Variants in DPP4 observed in about 807,000 individuals in gnomAD.
The protein encoded by DPP4 is dipeptidyl peptidase 4.
In DPP4, 93 loss-of-function variants were observed where a neutral mutation model predicts 122.4. That is an observed-to-expected ratio of 0.76 (90% CI 0.64 to 0.90). DPP4 has a LOEUF of 0.90. Among genes scored for constraint, DPP4 ranks in the 40% least tolerant of loss-of-function variants. DPP4 has a pLI of 0.00. For missense variants in DPP4, 914 were observed against 907.3 expected, an observed-to-expected ratio of 1.01 and a Z score of -0.09; for synonymous variants, 321 against 302.9, an observed-to-expected ratio of 1.06 and a Z score of -0.62.
At chr2:162,056,364 A>T (rs1020463056) in intron 2 of DPP4, among the ~76,000 whole-genome samples, 1 of 152,244 alleles carries the variant, frequency 6.6e-6, no homozygotes, top group Non-Finnish European at 1.5e-5. Flanking sequence ...GAATGAAAAC[A>T]TAAAAGTCAG....
chr2:162,063,752 T>C (rs143217298), intron 2 of DPP4, among the ~76,000 whole-genome samples: 412 of 152,078 alleles, frequency 2.7e-3, no homozygotes, highest in Non-Finnish European at 4.9e-3. Flanking sequence ...CAGACAGTGA[T>C]AATAGAAACT....
At chr2:162,071,053 A>G (rs1179316725) in intron 2 of DPP4, among the ~76,000 whole-genome samples, 1 of 151,992 alleles carries the variant, frequency 6.6e-6, no homozygotes, top group African/African-American at 2.4e-5. Flanking sequence ...GTCCTGGGCC[A>G]TTTCCCTCAC....
At chr2:162,005,710 A>G in intron 23 of DPP4, 35 bp downstream of exon 23, 1 of 1,549,814 alleles carries the variant, frequency 6.5e-7, no homozygotes, top group East Asian at 2.2e-5. Context: ...ACTTATAAAT[A>G]GGTTATAAAA....
chr2:162,009,069 A>G (rs1701353190), intron 21 of DPP4, among the ~76,000 whole-genome samples, 172 bp downstream of exon 21: 1 of 152,078 alleles, frequency 6.6e-6, no homozygotes, highest in Non-Finnish European at 1.5e-5. Context: ...CATCATAATA[A>G]ACAAAGGTGT....
chr2:162,011,324 C>T (rs1373704438), intron 20 of DPP4, among the ~76,000 whole-genome samples: 1 of 152,080 alleles, frequency 6.6e-6, no homozygotes, highest in African/African-American at 2.4e-5. Flanking sequence ...AGCAGAGTCA[C>T]CCTCATCCAG....
chr2:162,070,459 C>T (rs896881610), intron 2 of DPP4, among the ~76,000 whole-genome samples: 2 of 152,128 alleles, frequency 1.3e-5, no homozygotes, highest in African/African-American at 4.8e-5. Flanking sequence ...ATGGCTTCCT[C>T]CTTCCTTTTG....
intron 5 of DPP4, among the ~76,000 whole-genome samples, chr2:162,041,731 T>C (rs994982319): frequency 1.3e-5 from 2 of 152,180 alleles, no homozygotes; most frequent in Non-Finnish European, 2.9e-5. Flanking sequence ...CCATGGGTTG[T>C]AAAAGAAAAC....
intron 2 of DPP4, among the ~76,000 whole-genome samples, chr2:162,067,163 A>G (rs1280491885): frequency 1.0e-5 from 1 of 97,898 alleles, no homozygotes; most frequent in African/African-American, 4.1e-5. Flanking sequence ...GCCTGGAATC[A>G]AATAATGGAA....
chr2:162,074,139 C>G lies in DPP4; in HGVS notation c.-158G>C. 1.4e-6 allele frequency: 2 copies of G among 1,392,234 alleles called. No individual in the cohort carries two copies. The highest frequency in any genetic ancestry group is 1.9e-6 in the Non-Finnish European group (2 of 1,073,894). The allele number at this position is 1,392,234 out of a possible 1,614,324, so 86.2% of individuals were successfully genotyped here. ...GAGTTAAACATTAGTGAGCGCCGAG[C>G]CCGCTGGGTATAAAGGCGCCGCGGG... On this transcript the variant is annotated 5_prime_UTR_variant, in exon 1 of 26. Coordinates refer to ENST00000360534, the MANE Select transcript of DPP4 (RefSeq NM_001935.4).
chr2:162,005,921 T>C (rs1701273301), intron 22 of DPP4, 112 bp from the exon 23 acceptor site: 1 of 840,840 alleles, frequency 1.2e-6, no homozygotes. Flanking sequence ...TATAGGAATA[T>C]AGAGTTACTC....
chr2:161,995,656 C>A (rs1356969329), intron 23 of DPP4, among the ~76,000 whole-genome samples: 1 of 152,140 alleles, frequency 6.6e-6, no homozygotes, highest in African/African-American at 2.4e-5. Flanking sequence ...AGTCCCAGAT[C>A]CCAGATTGGC....
In DPP4 at chr2:161,995,343, A is replaced by T. The variant is rs1229260734; in HGVS notation, c.2082T>A (p.Asn694Lys). The T allele has an allele frequency of 1.2e-6, 2 of 1,614,112 alleles. No homozygotes were observed. Among genetic ancestry groups the T allele is most frequent in the Non-Finnish European group, 1.7e-6 (2 of 1,179,968 alleles). The change falls in exon 24 of 26, where the codon AAT (asparagine) becomes AAA (lysine). Residue 694 changes from asparagine (N) to lysine (K), a missense_variant. By Grantham distance (94) the Asn-to-Lys change is moderately conservative (BLOSUM62 0). Transcript: ENST00000360534. ...RNSTVMSRAENFKQVEYLLIH... is the reference protein window; with the variant it reads ...RNSTVMSRAEKFKQVEYLLIH... Reference sequence around the variant, plus strand: ...TAAGGAGGTACTCAACTTGTTTAAAATTTTCAGCTCTGCTCATGACTGTTG... The same window carrying T: ...TAAGGAGGTACTCAACTTGTTTAAATTTTTCAGCTCTGCTCATGACTGTTG...
At chr2:162,004,955 T>A (rs965402450) in intron 23 of DPP4, among the ~76,000 whole-genome samples, 17 of 152,208 alleles carry the variant, frequency 1.1e-4, no homozygotes, top group African/African-American at 3.6e-4. Context: ...TTCAGGGTTT[T>A]AAAAAAATTT....
At position 162,074,056 on chromosome 2, in the gene DPP4, C is replaced by G. The variant is rs200331869; in HGVS notation, c.-75G>C. 6.4e-6 allele frequency: 10 copies of G among 1,568,398 alleles called. No homozygotes were observed. Among genetic ancestry groups the G allele is most frequent in the Non-Finnish European group, 8.6e-6 (10 of 1,158,400 alleles). On this transcript the variant is annotated 5_prime_UTR_variant, in exon 1 of 26. Transcript: ENST00000360534. ...AGTCACCGCGGGCGGCGGAGACGCG[C>G]GTCCTGCACCGCTGCTCCGGGCGGT...
chr2:162,006,539 T>C (rs1174273145), intron 22 of DPP4, among the ~76,000 whole-genome samples: 1 of 152,180 alleles, frequency 6.6e-6, no homozygotes, highest in African/African-American at 2.4e-5. Context: ...GGTATAACAG[T>C]TGAGCACTGT....
At chr2:162,048,654 C>T (rs2106137219) in intron 2 of DPP4, among the ~76,000 whole-genome samples, 1 of 152,280 alleles carries the variant, frequency 6.6e-6, no homozygotes, top group Middle Eastern at 3.4e-3. Context: ...AGTGTCTTCC[C>T]TGCTTTCCTG....
At chr2:162,055,029 C>T (rs1684518615) in intron 2 of DPP4, among the ~76,000 whole-genome samples, 1 of 152,148 alleles carries the variant, frequency 6.6e-6, no homozygotes, top group Admixed American at 6.5e-5. Flanking sequence ...AAGAGTCTTT[C>T]CTCTGAAGCA....
chr2:162,003,426 G>A (rs565404819), intron 23 of DPP4, among the ~76,000 whole-genome samples: 3 of 152,286 alleles, frequency 2.0e-5, no homozygotes, highest in Admixed American at 6.5e-5. Flanking sequence ...GCTGGATGAA[G>A]AGGAAATACC....
intron 10 of DPP4, 25 bp from the exon 11 acceptor site, chr2:162,024,964 A>T: frequency 6.2e-7 from 1 of 1,609,194 alleles, no homozygotes; most frequent in Non-Finnish European, 8.5e-7. Flanking sequence ...GAAAGGAAGG[A>T]CAGAGAGAGA....
Sources: gnomAD v4.1 joint callset for allele counts (sites outside exome capture counted in the v4.1 genomes callset) on GRCh38, gnomAD v4.1.1 for gene constraint, MANE v1.5 for transcripts, NCBI Gene and HGNC (gene_info 2026-07-23, HGNC 2026-07-21) for gene names.